Variants in ITGA8 observed in about 807,000 individuals in gnomAD.
ITGA8 encodes the protein integrin alpha-8.
Under a neutral mutation model 142.3 loss-of-function variants are expected in ITGA8, and 91 were observed. The ratio of observed to expected loss-of-function variants is 0.64; its 90% CI spans 0.54 to 0.76. The LOEUF is 0.76. Among genes scored for constraint, ITGA8 ranks in the 30% least tolerant of loss-of-function variants. The pLI is 0.00. For missense variants in ITGA8, 1,406 were observed against 1,327.7 expected (o/e 1.06, Z -0.92); for synonymous variants, 505 against 485.2 (o/e 1.04, Z -0.54).
intron 22 of ITGA8, among the ~76,000 whole-genome samples, chr10:15,590,253 C>T (rs1246280434): frequency 6.6e-6 from 1 of 152,140 alleles, no homozygotes; most frequent in African/African-American, 2.4e-5. Flanking sequence ...ATGTTAAAAA[C>T]GTGGCCACTT....
intron 11 of ITGA8, among the ~76,000 whole-genome samples, chr10:15,652,611 C>T (rs1049436432): frequency 2.7e-4 from 41 of 152,280 alleles, no homozygotes; most frequent in Middle Eastern, 3.4e-3. Flanking sequence ...TACAGTCCAC[C>T]TAAGTTGGAA....
At chr10:15,694,316 TATATATG>T (rs1564412405) in intron 2 of ITGA8, among the ~76,000 whole-genome samples, 1 of 93,386 alleles carries the variant, frequency 1.1e-5, no homozygotes, top group Non-Finnish European at 2.3e-5. Flanking sequence ...TAATATATCA[TATATATG>T]ATAATATATC....
At chr10:15,529,252 G>C (rs1833243859) in intron 28 of ITGA8, among the ~76,000 whole-genome samples, 1 of 152,222 alleles carries the variant, frequency 6.6e-6, no homozygotes, top group Non-Finnish European at 1.5e-5. Flanking sequence ...GACTTAGCCA[G>C]AGAAGGGGAG....
chr10:15,530,214 T>C (rs1472086566), intron 28 of ITGA8, among the ~76,000 whole-genome samples: 1 of 152,136 alleles, frequency 6.6e-6, no homozygotes, highest in East Asian at 1.9e-4. Flanking sequence ...CTGTGATAGA[T>C]GTTTGGGTGT....
At chr10:15,678,590 C>A (rs1483468162) in intron 5 of ITGA8, 132 bp downstream of exon 5, 6 of 554,366 alleles carry the variant, frequency 1.1e-5, no homozygotes, top group Non-Finnish European at 1.9e-5. Context: ...TTTGCCCAAA[C>A]AGGCTAGGTA....
At chr10:15,645,258 C>T (rs1466672843) in intron 12 of ITGA8, among the ~76,000 whole-genome samples, 7 of 152,210 alleles carry the variant, frequency 4.6e-5, no homozygotes, top group African/African-American at 1.7e-4. Flanking sequence ...CAGTGAATTT[C>T]ACATGATTTT....
intron 25 of ITGA8, among the ~76,000 whole-genome samples, chr10:15,561,059 A>T (rs917663334): frequency 6.6e-6 from 1 of 151,684 alleles, no homozygotes; most frequent in African/African-American, 2.4e-5. Context: ...GCACCTGCTG[A>T]ATTTCATTTT....
chr10:15,593,242 T>C lies in ITGA8; in HGVS notation c.2212-938A>G, dbSNP rs9333169. ...TTTTATTATTTTCATAACGTGGAAA[T>C]AGATAAAAACATGGGGAAAATAAAT... On this transcript the variant is annotated intron_variant, in intron 21 of 29. Coordinates refer to ENST00000378076, the MANE Select transcript of ITGA8 (RefSeq NM_003638.3). 2.6e-3 allele frequency among the ~76,000 whole-genome samples: 389 copies of C among 152,300 alleles called. 1 individual carries two copies. Among genetic ancestry groups the C allele is most frequent in the African/African-American group, 9.1e-3 (379 of 41,576 alleles).
chr10:15,708,138 G>C (rs1333237018), intron 2 of ITGA8, among the ~76,000 whole-genome samples: 1 of 151,754 alleles, frequency 6.6e-6, no homozygotes, highest in Non-Finnish European at 1.5e-5. Flanking sequence ...CCTGTGCAGG[G>C]TTGCAAATAG....
chr10:15,531,296 T>C (rs573992309), intron 27 of ITGA8, 145 bp from the exon 28 acceptor site: 1 of 450,326 alleles, frequency 2.2e-6, no homozygotes, highest in South Asian at 4.9e-5. Flanking sequence ...TAACTTTTTT[T>C]TCCTCCCACC....
chr10:15,616,489 C>T, intron 14 of ITGA8, 25 bp downstream of exon 14: 1 of 1,561,874 alleles, frequency 6.4e-7, no homozygotes, highest in Non-Finnish European at 8.8e-7. Flanking sequence ...ATGAGAAAAA[C>T]ATTTGAATAC....
intron 2 of ITGA8, among the ~76,000 whole-genome samples, chr10:15,698,466 A>G (rs1835098205): frequency 1.3e-5 from 2 of 152,078 alleles, no homozygotes; most frequent in Non-Finnish European, 2.9e-5. Flanking sequence ...ATCTTCTTTT[A>G]TTTCTTTCAG....
At chr10:15,574,446 G>A (rs9333275) in intron 24 of ITGA8, among the ~76,000 whole-genome samples, 8,989 of 152,100 alleles carry the variant, frequency 0.059, 348 homozygotes, top group Middle Eastern at 0.099. Flanking sequence ...GCTGGAGTGC[G>A]GTGGCACGAT....
intron 2 of ITGA8, among the ~76,000 whole-genome samples, chr10:15,690,209 G>A (rs533699222): frequency 2.0e-5 from 3 of 152,124 alleles, no homozygotes; most frequent in Non-Finnish European, 4.4e-5. Context: ...ATTCGCACCC[G>A]GCCTCACAGA....
chr10:15,672,320 A>G lies in ITGA8; in HGVS notation c.802+304T>C, dbSNP rs189572879. On this transcript the variant is annotated intron_variant, in intron 7 of 29. Coordinates refer to ENST00000378076, the MANE Select transcript of ITGA8 (RefSeq NM_003638.3). ...GTCTCTGTTAACTAAGAAGGCTGCTATCATCCTGTCCCTGTCACACTGGTA... is the reference window on the plus strand; with the variant it reads ...GTCTCTGTTAACTAAGAAGGCTGCTGTCATCCTGTCCCTGTCACACTGGTA... 2.6e-3 allele frequency among the ~76,000 whole-genome samples: 398 copies of G among 152,328 alleles called. 2 individuals carry two copies. Among genetic ancestry groups the G allele is most frequent in the Middle Eastern group, 0.01 (3 of 294 alleles).
chr10:15,529,686 A>G (rs1162915446), intron 28 of ITGA8, among the ~76,000 whole-genome samples: 1 of 152,206 alleles, frequency 6.6e-6, no homozygotes, highest in East Asian at 1.9e-4. Context: ...GAGAAACACA[A>G]ATCAAGTGGT....
intron 13 of ITGA8, among the ~76,000 whole-genome samples, chr10:15,633,146 C>G (rs763930666): frequency 6.6e-6 from 1 of 152,144 alleles, no homozygotes; most frequent in Non-Finnish European, 1.5e-5. Flanking sequence ...ACATGCTATT[C>G]AAGGCTCTTT....
chr10:15,677,549 A>T, intron 6 of ITGA8, 43 bp downstream of exon 6: 1 of 1,544,584 alleles, frequency 6.5e-7, no homozygotes, highest in Non-Finnish European at 8.9e-7. Context: ...TCCTTCTGTT[A>T]GTAACAACAA....
chr10:15,635,686 C>T (rs1160500045), intron 13 of ITGA8, among the ~76,000 whole-genome samples: 2 of 152,120 alleles, frequency 1.3e-5, no homozygotes, highest in Non-Finnish European at 2.9e-5. Context: ...ATGTGTTTAT[C>T]ATGAAACTAT....
Sources: allele counts gnomAD v4.1 joint callset (sites outside exome capture counted in the v4.1 genomes callset), GRCh38; gene constraint gnomAD v4.1.1; transcripts MANE v1.5; gene names NCBI Gene and HGNC (gene_info 2026-07-23, HGNC 2026-07-21).